The following AXL variants were observed in gnomAD, a reference collection of about 807,000 sequenced individuals.
The protein encoded by AXL is AXL receptor tyrosine kinase, also known as tyrosine-protein kinase receptor UFO.
In AXL, 52 loss-of-function variants were observed where a neutral mutation model predicts 104.5. That is an observed-to-expected ratio of 0.50 (90% CI 0.40 to 0.63). The LOEUF (loss-of-function observed/expected upper bound fraction) is 0.63, where lower values mean the gene tolerates loss of function less well. Ranked by LOEUF, AXL falls within the 20% of genes least tolerant of loss-of-function variation. The pLI is 0.00. For missense variants in AXL, 1,024 were observed against 1,188.5 expected (o/e 0.86, Z 2.04); for synonymous variants, 455 against 473.7 (o/e 0.96, Z 0.51).
intron 6 of AXL, among the ~76,000 whole-genome samples, chr19:41,232,962 A>C (rs957412129): frequency 2.0e-5 from 3 of 151,872 alleles, no homozygotes; most frequent in Non-Finnish European, 4.4e-5. Flanking sequence ...TCATGCTCCT[A>C]ACCTCCTTAG....
chr19:41,220,204 T>C (rs1324571252), intron 1 of AXL, among the ~76,000 whole-genome samples: 1 of 151,114 alleles, frequency 6.6e-6, no homozygotes, highest in Admixed American at 6.6e-5. Flanking sequence ...TCATCTCCCC[T>C]GCCTTTCTCT....
At chr19:41,253,848 G>A (rs2034409715) in intron 17 of AXL, 140 bp downstream of exon 17, 1 of 688,512 alleles carries the variant, frequency 1.5e-6, no homozygotes, top group East Asian at 2.7e-5. Flanking sequence ...AAGTCAGTAA[G>A]GGGGTCTGGG....
rs763259677 is a variant in AXL at position 41,259,746 on chromosome 19, C to A, written c.2527C>A (p.Pro843Thr). The change falls in exon 20 of 20, where the codon CCA becomes ACA. Residue 843 changes from proline to threonine, a missense_variant. Pro to Thr is a conservative substitution (Grantham distance 38). This residue lies in a region of AXL where 523 missense variants were observed against 636.0 expected (regional missense o/e 0.82). Transcript: ENST00000301178. ...PPGAAGGADP[P>T]TQPDPKDSCS... is the part of the protein sequence containing the mutation. ...TGGAGCTGCAGGAGGAGCTGACCCCCCAACCCAGCCAGACCCTAAGGATTC... is the reference window on the plus strand; with the variant it reads ...TGGAGCTGCAGGAGGAGCTGACCCCACAACCCAGCCAGACCCTAAGGATTC... 2 of 1,613,982 alleles carry A rather than the reference C, an allele frequency of 1.2e-6. No individual in the cohort carries two copies. Among genetic ancestry groups the A allele is most frequent in the Non-Finnish European group, 8.5e-7 (1 of 1,180,018 alleles).
rs145614610 is a variant in AXL, at chr19:41,220,610, G to T, written c.86-26G>T. 3.9e-4 allele frequency: 596 copies of T among 1,544,882 alleles called. 3 individuals carry two copies. The African/African-American group carries it at 7.1e-3, about 18-fold the overall frequency. On this transcript the variant is annotated intron_variant, in intron 1 of 19. Transcript: ENST00000301178. ...CCGGAAGGAGCTGGGGGGTTCCTAA[G>T]CTAACTCTTCCCATCTCCCCTCCAG... is the stretch of plus-strand genomic sequence containing the variant.
At chr19:41,253,092 G>A in intron 16 of AXL, 125 bp downstream of exon 16, 1 of 1,020,146 alleles carries the variant, frequency 9.8e-7, no homozygotes, top group Non-Finnish European at 1.4e-6. Context: ...ATTTCTTCCA[G>A]CAGGGGAGGG....
At chr19:41,225,002 T>G (rs79318447) in intron 4 of AXL, among the ~76,000 whole-genome samples, 8,918 of 152,184 alleles carry the variant, frequency 0.059, 904 homozygotes, top group African/African-American at 0.2. Flanking sequence ...TGTTTTTTTG[T>G]TTTTTGGGGT....
chr19:41,261,381 T>A lies in AXL; in HGVS notation c.*1477T>A, dbSNP rs959945632. ...GCCTCTCTAGGACCATGGTTAAGAG[T>A]CCAAGAATCCACATTTCTAAAATCT... is the stretch of plus-strand genomic sequence containing the variant. On this transcript the variant is annotated 3_prime_UTR_variant, in exon 20 of 20. Coordinates refer to ENST00000301178, the MANE Select transcript of AXL (RefSeq NM_021913.5). The A allele has an allele frequency of 6.6e-6, 1 of 152,570 alleles. No homozygotes were observed. The highest frequency in any genetic ancestry group is 1.5e-5 in the Non-Finnish European group (1 of 68,012). 9.5% of individuals were successfully genotyped at this position (152,570 alleles called of 1,614,324 possible).
chr19:41,230,031 G>A (rs2033949061), intron 4 of AXL, among the ~76,000 whole-genome samples: 1 of 151,942 alleles, frequency 6.6e-6, no homozygotes, highest in Non-Finnish European at 1.5e-5. Flanking sequence ...ATGTGTCTAT[G>A]TCCATATATA....
intron 14 of AXL, among the ~76,000 whole-genome samples, chr19:41,249,649 G>T (rs187573687): frequency 6.6e-6 from 1 of 151,942 alleles, no homozygotes; most frequent in Non-Finnish European, 1.5e-5. Flanking sequence ...CCAGCTACTC[G>T]GGAGGCTGAG....
intron 12 of AXL, among the ~76,000 whole-genome samples, chr19:41,246,827 G>T (rs200156351): frequency 4.6e-4 from 22 of 47,834 alleles, no homozygotes; most frequent in Non-Finnish European, 6.8e-4. Context: ...GTTGCTGGGT[G>T]AACCACTGTG....
rs2034515888 is a variant in AXL, at chr19:41,260,224, G to A, written c.*320G>A. On this transcript the variant is annotated 3_prime_UTR_variant, in exon 20 of 20. Transcript: ENST00000301178. Reference sequence around the variant, plus strand: ...AAAGGTTCTAGGTTTCAAAGATGCTGTGAGTCTTTGGTTCTAAGGACCTGA... The same window carrying A: ...AAAGGTTCTAGGTTTCAAAGATGCTATGAGTCTTTGGTTCTAAGGACCTGA... The A allele has an allele frequency of 7.8e-6, 2 of 256,576 alleles. No homozygotes were observed. The highest frequency in any genetic ancestry group is 5.2e-5 in the Admixed American group (1 of 19,172). The allele number at this position is 256,576 out of a possible 1,614,324, so 15.9% of individuals were successfully genotyped here. A position where few individuals can be genotyped will look rare whatever the true frequency, so the allele number is the denominator to read the frequency against.
Position 41,257,075 on chromosome 19 carries a change from G to A in AXL, c.2197-418G>A, listed in dbSNP as rs147962351. ...TTTTCTTTTTTTGAGATGGAGTCTC[G>A]CACTGTCACCCAGGCTGCAGTGCAA... On this transcript the variant is annotated intron_variant, in intron 18 of 19. Transcript: ENST00000301178. Among the ~76,000 whole-genome samples the A allele has an allele frequency of 6.8e-3, 1,026 of 151,812 alleles. 14 individuals are homozygous for A. Among genetic ancestry groups the A allele is most frequent in the African/African-American group, 0.023 (959 of 41,358 alleles).
intron 5 of AXL, 65 bp from the exon 6 acceptor site, chr19:41,231,118 A>G: frequency 6.2e-7 from 1 of 1,611,246 alleles, no homozygotes. Flanking sequence ...GAGTGGGGGC[A>G]GAGAGCAGGG....
At chr19:41,231,111 T>TG (rs1201944441) in intron 5 of AXL, 64 bp downstream of exon 5, 2 of 1,610,646 alleles carry the variant, frequency 1.2e-6, no homozygotes, top group South Asian at 2.2e-5. Flanking sequence ...GGGGTCAGAG[T>TG]GGGGGCAGAG....
At chr19:41,225,860 G>A (rs540313970) in intron 4 of AXL, among the ~76,000 whole-genome samples, 1 of 152,174 alleles carries the variant, frequency 6.6e-6, no homozygotes, top group Admixed American at 6.6e-5. Context: ...GGTTTGCTGT[G>A]TGAAGGAATT....
chr19:41,230,049 G>A (rs1036535978), intron 4 of AXL, among the ~76,000 whole-genome samples: 2 of 152,008 alleles, frequency 1.3e-5, no homozygotes, highest in African/African-American at 2.4e-5. Flanking sequence ...ATATGAGCAC[G>A]TGTATTTCTG....
intron 2 of AXL, 88 bp downstream of exon 2, chr19:41,220,946 C>A: frequency 6.8e-7 from 1 of 1,470,686 alleles, no homozygotes; most frequent in Admixed American, 2.0e-5. Context: ...AGTTTGACCA[C>A]TTGTCAGCCG....
intron 10 of AXL, among the ~76,000 whole-genome samples, chr19:41,241,466 C>T (rs2034178857): frequency 6.7e-6 from 1 of 149,280 alleles, no homozygotes; most frequent in African/African-American, 2.5e-5. Flanking sequence ...ATTGCTTGAA[C>T]CTGGGAGGCG....
intron 4 of AXL, chr19:41,226,723 T>C: frequency 2.0e-6 from 2 of 985,594 alleles, no homozygotes; most frequent in Non-Finnish European, 1.2e-6. Flanking sequence ...GTCACAAACA[T>C]ACCAGCTCAG....
Sources: gnomAD v4.1 joint callset for allele counts (sites outside exome capture counted in the v4.1 genomes callset) on GRCh38, gnomAD v4.1.1 for gene constraint, gnomAD v4.1.1 regional missense constraint, MANE v1.5 for transcripts, NCBI Gene and HGNC (gene_info 2026-07-23, HGNC 2026-07-21) for gene names.